Variants in DDHD2 observed in about 807,000 individuals in gnomAD.
DDHD2 encodes the protein triacylglycerol hydrolase DDHD2.
Under a neutral mutation model 91.2 loss-of-function variants are expected in DDHD2, and 62 were observed. That is an observed-to-expected ratio of 0.68 (90% CI 0.55 to 0.84). DDHD2 has a LOEUF of 0.84. Among genes scored for constraint, DDHD2 ranks in the 40% least tolerant of loss-of-function variants. DDHD2 has a pLI of 0.00. For synonymous variants in DDHD2, 271 were observed against 293.9 expected, an observed-to-expected ratio of 0.92 and a Z score of 0.80; for missense variants, 740 against 846.9, an observed-to-expected ratio of 0.87 and a Z score of 1.57.
chr8:38,270,866 A>G (rs954929063), intron 1 of DDHD2: 1 of 152,248 alleles, frequency 6.6e-6, no homozygotes, highest in African/African-American at 2.4e-5. Flanking sequence ...CTTCATACAT[A>G]CGTGCCACAA....
At chr8:38,242,119 C>T in intron 6 of DDHD2, 131 bp from the exon 7 acceptor site, 1 of 709,226 alleles carries the variant, frequency 1.4e-6, no homozygotes, top group South Asian at 2.4e-5. Flanking sequence ...CTGAATACCA[C>T]TTTATTTTTG....
intron 6 of DDHD2, 78 bp from the exon 7 acceptor site, chr8:38,242,172 A>G (rs1805313775): frequency 1.7e-6 from 2 of 1,158,742 alleles, no homozygotes; most frequent in East Asian, 4.8e-5. Flanking sequence ...GTTAGAGTAT[A>G]ATTACATGAT....
At chr8:38,249,890 G>A in intron 11 of DDHD2, 87 bp downstream of exon 11, 2 of 875,586 alleles carry the variant, frequency 2.3e-6, no homozygotes, top group Non-Finnish European at 3.4e-6. Context: ...TTACTCTGGG[G>A]AGCCAAGCAG....
downstream of DDHD2, chr8:38,266,269 C>T (rs779734896): frequency 6.2e-7 from 1 of 1,613,642 alleles, no homozygotes; most frequent in South Asian, 1.1e-5. Flanking sequence ...GTGTAACTTC[C>T]CTGCCAGGTA....
intron 3 of DDHD2, among the ~76,000 whole-genome samples, chr8:38,236,061 G>A (rs975662681): frequency 2.6e-5 from 4 of 152,222 alleles, no homozygotes; most frequent in Non-Finnish European, 4.4e-5. Flanking sequence ...TTCCCAGGCT[G>A]GAGTGCAGTG....
intron 1 of DDHD2, chr8:38,269,329 C>A: frequency 1.6e-5 from 16 of 986,726 alleles, no homozygotes; most frequent in East Asian, 3.3e-5. Context: ...GACGGCCTGG[C>A]GGCTGTGCCG....
intron 16 of DDHD2, among the ~76,000 whole-genome samples, chr8:38,256,342 A>C (rs1273697806): frequency 6.6e-6 from 1 of 152,102 alleles, no homozygotes; most frequent in Non-Finnish European, 1.5e-5. Context: ...TTGTTCTGTC[A>C]TCCAGGCTGG....
At chr8:38,244,966 T>C (rs1488280101) in intron 7 of DDHD2, among the ~76,000 whole-genome samples, 2 of 151,830 alleles carry the variant, frequency 1.3e-5, no homozygotes, top group Non-Finnish European at 2.9e-5. Context: ...TGTTCAAATT[T>C]CCAGTTGTCT....
In DDHD2 at chr8:38,240,325, C is replaced by A; in HGVS notation, c.673C>A (p.Pro225Thr). Residue 225 changes from proline to threonine, a missense_variant, in exon 6 of 18, where the codon CCA becomes ACA. Pro to Thr is a conservative substitution (Grantham distance 38, BLOSUM62 -1). Coordinates refer to ENST00000397166, the MANE Select transcript of DDHD2 (RefSeq NM_015214.3). The part of the protein sequence containing the change: ...HLVFVVHGIG[P>T]ACDLRFRSIV... Reference sequence around the variant, plus strand: ...GGTTTTTGTAGTCCATGGGATTGGACCAGCTTGTGATCTCCGCTTTCGAAG... The same window carrying A: ...GGTTTTTGTAGTCCATGGGATTGGAACAGCTTGTGATCTCCGCTTTCGAAG... The A allele has an allele frequency of 6.2e-7, 1 of 1,610,636 alleles. No homozygotes were observed. Among genetic ancestry groups the A allele is most frequent in the South Asian group, 1.1e-5 (1 of 90,720 alleles).
In DDHD2 at chr8:38,240,354, T is replaced by C. The variant is rs1314214704; in HGVS notation, c.702T>C (p.Ile234=). 1 of 1,607,170 alleles carries C rather than the reference T, an allele frequency of 6.2e-7. No individual in the cohort carries two copies. The highest frequency in any genetic ancestry group is 1.7e-5 in the Admixed American group (1 of 59,976). ...GPACDLRFRS[I]VQCVNDFRSV... ...CTTGTGATCTCCGCTTTCGAAGCAT[T>C]GTACAGTGTGGTAGGTTTGCAAAGC... is the stretch of plus-strand genomic sequence containing the variant. The change falls in exon 6 of 18, where the codon ATT becomes ATC. Residue 234 remains isoleucine, a synonymous_variant. Coordinates refer to ENST00000397166, the MANE Select transcript of DDHD2 (RefSeq NM_015214.3).
At chr8:38,234,958 C>G (rs1410360961) in intron 3 of DDHD2, among the ~76,000 whole-genome samples, 1 of 151,854 alleles carries the variant, frequency 6.6e-6, no homozygotes, top group East Asian at 1.9e-4. Flanking sequence ...GCACTGCTAT[C>G]TTTCCTCAGA....
At chr8:38,237,709 ACT>A (rs1273659347) in intron 4 of DDHD2, 82 bp downstream of exon 4, 6 of 754,154 alleles carry the variant, frequency 8.0e-6, no homozygotes, top group African/African-American at 5.4e-5. Context: ...TTTGCTAAGC[ACT>A]CTGTGTAGGA....
chr8:38,258,078 C>A (rs1325566715), intron 16 of DDHD2, among the ~76,000 whole-genome samples: 1 of 152,122 alleles, frequency 6.6e-6, no homozygotes, highest in Non-Finnish European at 1.5e-5. Flanking sequence ...TCAAGCAATC[C>A]TCTTGCCTTG....
chr8:38,256,312 T>C (rs1806506832), intron 16 of DDHD2, among the ~76,000 whole-genome samples: 1 of 152,170 alleles, frequency 6.6e-6, no homozygotes, highest in Non-Finnish European at 1.5e-5. Context: ...TATTTATTTA[T>C]TTATTTTTTT....
At chr8:38,260,361 G>C (rs1806910459) in intron 17 of DDHD2, 1 of 364,960 alleles carries the variant, frequency 2.7e-6, no homozygotes, top group Non-Finnish European at 5.0e-6. Flanking sequence ...TGTTTTGCTA[G>C]AGATTTTGTC....
downstream of DDHD2, chr8:38,264,396 G>C: frequency 7.0e-7 from 1 of 1,426,304 alleles, no homozygotes; most frequent in Non-Finnish European, 9.4e-7. Context: ...GCCTCCCAAA[G>C]TGTTGGGATT....
rs1806961034 is a variant in DDHD2 at position 38,260,768 on chromosome 8, A to G, written c.*195A>G. On this transcript the variant is annotated 3_prime_UTR_variant, in exon 18 of 18. Coordinates refer to ENST00000397166, the MANE Select transcript of DDHD2 (RefSeq NM_015214.3). ...GAATGGAAAAGCAAAAGGCCCTATT[A>G]CTTTTAACCACTGGCTTCATATAAA... The G allele has an allele frequency of 6.6e-6, 1 of 152,640 alleles. No homozygotes were observed. Among genetic ancestry groups the G allele is most frequent in the Non-Finnish European group, 1.5e-5 (1 of 68,070 alleles). 9.5% of individuals were successfully genotyped at this position (152,640 alleles called of 1,614,324 possible). A position where few individuals can be genotyped will look rare whatever the true frequency, so the allele number is the denominator to read the frequency against.
At chr8:38,253,965 A>G (rs1806316991) in intron 16 of DDHD2, among the ~76,000 whole-genome samples, 1 of 151,914 alleles carries the variant, frequency 6.6e-6, no homozygotes, top group African/African-American at 2.4e-5. Context: ...AGTCCCAGCT[A>G]CTTGGGAGGC....
downstream of DDHD2, chr8:38,263,605 A>ATC: frequency 2.0e-6 from 2 of 985,446 alleles, no homozygotes; most frequent in Non-Finnish European, 2.4e-6. Flanking sequence ...CTGGACTCAG[A>ATC]TAAGATGCAC....
Sources: allele counts gnomAD v4.1 joint callset (sites outside exome capture counted in the v4.1 genomes callset), GRCh38; gene constraint gnomAD v4.1.1; transcripts MANE v1.5; gene names NCBI Gene and HGNC (gene_info 2026-07-23, HGNC 2026-07-21).